POLR2M: variants seen among roughly 807,000 people sequenced by gnomAD.
POLR2M encodes protein GRINL1A.
A neutral mutation model predicts 34.6 loss-of-function variants in POLR2M; 30 were observed. The observed-to-expected ratio is 0.87, with a 90% CI of 0.65 to 1.18. The LOEUF (loss-of-function observed/expected upper bound fraction) is 1.18, where lower values mean the gene tolerates loss of function less well. Ranked by LOEUF, POLR2M falls within the 50% of genes most tolerant of loss-of-function variation. The pLI is 0.00. For synonymous variants in POLR2M, 150 were observed against 166.7 expected (o/e 0.90, Z 0.77); for missense variants, 432 against 448.7 (o/e 0.96, Z 0.34).
At chr15:57,707,180 A>T in intron 1 of POLR2M, 1 of 1,484,752 alleles carries the variant, frequency 6.7e-7, no homozygotes, top group South Asian at 1.3e-5. Context: ...TTGAACGGCT[A>T]CCTGGCGTTG....
At chr15:57,713,130 G>T (rs1423081534) in intron 3 of POLR2M, among the ~76,000 whole-genome samples, 1 of 151,630 alleles carries the variant, frequency 6.6e-6, no homozygotes, top group African/African-American at 2.4e-5. Flanking sequence ...GGAGGTCGAG[G>T]CTGCAGTGAG....
chr15:57,713,646 T>C (rs1343072602), intron 3 of POLR2M, among the ~76,000 whole-genome samples: 3 of 152,220 alleles, frequency 2.0e-5, no homozygotes, highest in East Asian at 3.9e-4. Flanking sequence ...TTGGACTTTT[T>C]ATTGGATACT....
chr15:57,712,117 C>T lies in POLR2M; in HGVS notation c.892C>T (p.His298Tyr), dbSNP rs1226294721. 3 of 1,614,160 alleles carry T rather than the reference C, an allele frequency of 1.9e-6. No individual in the cohort carries two copies. The highest frequency in any genetic ancestry group is 1.3e-5 in the African/African-American group (1 of 75,036). The part of the protein sequence containing the change: ...ITAARLLPLH[H>Y]MPTQLLSIEE... ...AGCAGCTCGGCTTCTACCACTTCAC[C>T]ATATGCCCACGCAGCTGCTCTCCAT... Residue 298 changes from histidine (H) to tyrosine (Y), a missense_variant, in exon 3 of 4, where the codon CAT (histidine) becomes TAT (tyrosine). Transcript: ENST00000299638.
intron 1 of POLR2M, among the ~76,000 whole-genome samples, chr15:57,707,842 C>A (rs2040554378): frequency 6.6e-6 from 1 of 152,132 alleles, no homozygotes; most frequent in Non-Finnish European, 1.5e-5. Flanking sequence ...TGGAAAAATA[C>A]AGAAAACAGG....
In POLR2M at chr15:57,716,611, G is replaced by A. The variant is rs1185487533; in HGVS notation, c.*1932G>A. 6.6e-6 allele frequency: 1 copy of A among 152,258 alleles called. No individual in the cohort carries two copies. Among genetic ancestry groups the A allele is most frequent in the Non-Finnish European group, 1.5e-5 (1 of 68,040 alleles). The allele number at this position is 152,258 out of a possible 1,614,324, so 9.4% of individuals were successfully genotyped here. A position where few individuals can be genotyped will look rare whatever the true frequency, so the allele number is the denominator to read the frequency against. On this transcript the variant is annotated 3_prime_UTR_variant, in exon 4 of 4. Coordinates refer to ENST00000299638, the MANE Select transcript of POLR2M (RefSeq NM_015532.5). Reference sequence around the variant, plus strand: ...AATTTGTATTTGTTTTTCTTACTTAGTGAAGGTTGTGTTTTTTTTCATATT... The same window carrying A: ...AATTTGTATTTGTTTTTCTTACTTAATGAAGGTTGTGTTTTTTTTCATATT...
intron 3 of POLR2M, among the ~76,000 whole-genome samples, 180 bp from the exon 4 acceptor site, chr15:57,714,356 G>T (rs1446564399): frequency 1.3e-5 from 2 of 152,148 alleles, no homozygotes; most frequent in Admixed American, 6.5e-5. Context: ...GCTGGTGGCT[G>T]TCAGAAGCAT....
chr15:57,713,801 C>T (rs1291188663), intron 3 of POLR2M, among the ~76,000 whole-genome samples: 3 of 136,920 alleles, frequency 2.2e-5, no homozygotes, highest in Non-Finnish European at 4.6e-5. Context: ...TTGTAGAAAT[C>T]TAGACAGCAT....
intron 1 of POLR2M, 36 bp downstream of exon 1, chr15:57,706,991 C>CT (rs1455836614): frequency 6.4e-7 from 1 of 1,556,822 alleles, no homozygotes; most frequent in African/African-American, 1.4e-5. Context: ...CGCCAGGCTC[C>CT]TTCAGCTCGA....
chr15:57,713,682 A>G (rs2040827079), intron 3 of POLR2M, among the ~76,000 whole-genome samples: 1 of 152,052 alleles, frequency 6.6e-6, no homozygotes, highest in African/African-American at 2.4e-5. Context: ...TTATTTGGAG[A>G]GGAATAGTCA....
At chr15:57,711,906 G>T in intron 2 of POLR2M, 78 bp from the exon 3 acceptor site, 1 of 1,525,388 alleles carries the variant, frequency 6.6e-7, no homozygotes, top group Non-Finnish European at 8.9e-7. Context: ...CTAAGGTAAA[G>T]GCCATTTGTG....
Position 57,717,104 on chromosome 15 carries a change from A to T in POLR2M, c.*2425A>T, listed in dbSNP as rs1595992999. The T allele has an allele frequency of 6.6e-6, 1 of 152,198 alleles. No homozygotes were observed. Among genetic ancestry groups the T allele is most frequent in the Non-Finnish European group, 1.5e-5 (1 of 68,018 alleles). 9.4% of individuals were successfully genotyped at this position (152,198 alleles called of 1,614,324 possible). A position where few individuals can be genotyped will look rare whatever the true frequency, so the allele number is the denominator to read the frequency against. On this transcript the variant is annotated 3_prime_UTR_variant, in exon 4 of 4. Transcript: ENST00000299638. ...ACCAATTGGTTCAGTATGTGAAACC[A>T]CCATTTCCCCTCTGATTAGTAATGC...
chr15:57,715,440 C>T lies in POLR2M; in HGVS notation c.*761C>T, dbSNP rs1347934392. The T allele has an allele frequency of 6.6e-6, 1 of 152,016 alleles. No individual in the cohort carries two copies. Among genetic ancestry groups the T allele is most frequent in the Non-Finnish European group, 1.5e-5 (1 of 67,998 alleles). The allele number at this position is 152,016 out of a possible 1,614,324, so 9.4% of individuals were successfully genotyped here. A position where few individuals can be genotyped will look rare whatever the true frequency, so the allele number is the denominator to read the frequency against. ...CTAGGTGGAGGTCTTTTTAAATAAC[C>T]TCATGTTACTTCAGGCAAATCTGGT... On this transcript the variant is annotated 3_prime_UTR_variant, in exon 4 of 4. Coordinates refer to ENST00000299638, the MANE Select transcript of POLR2M (RefSeq NM_015532.5).
rs1823859851 is a variant in POLR2M, at chr15:57,707,202, T to TA, written c.113+248dup. 4.1e-6 allele frequency: 6 copies of TA among 1,454,530 alleles called. No homozygotes were observed. In the East Asian group the frequency reaches 1.5e-4, roughly 36 times the overall value. The allele number at this position is 1,454,530 out of a possible 1,614,324, so 90.1% of individuals were successfully genotyped here. On this transcript the variant is annotated intron_variant, in intron 1 of 3. Transcript: ENST00000299638. The stretch of plus-strand genomic sequence containing the variant: ...GCTACCTGGCGTTGCAGGGAGTTAG[T>TA]AGCCCCTGGTCGGTTTTATTTACCC...
chr15:57,716,872 T>C lies in POLR2M; in HGVS notation c.*2193T>C, dbSNP rs1470379230. 1.3e-5 allele frequency: 2 copies of C among 152,232 alleles called. No homozygotes were observed. The highest frequency in any genetic ancestry group is 2.9e-5 in the Non-Finnish European group (2 of 68,036). The allele number at this position is 152,232 out of a possible 1,614,324, so 9.4% of individuals were successfully genotyped here. A position where few individuals can be genotyped will look rare whatever the true frequency, so the allele number is the denominator to read the frequency against. The stretch of plus-strand genomic sequence containing the variant: ...GTGTATGTGCTTGAAAGTATTTTTG[T>C]AATCCAAGAATGGATAAATGTCCTT... On this transcript the variant is annotated 3_prime_UTR_variant, in exon 4 of 4. Coordinates refer to ENST00000299638, the MANE Select transcript of POLR2M (RefSeq NM_015532.5).
chr15:57,711,432 G>T (rs549888889), intron 2 of POLR2M, among the ~76,000 whole-genome samples: 4 of 152,014 alleles, frequency 2.6e-5, no homozygotes, highest in Admixed American at 2.6e-4. Context: ...CCTCTTTCTC[G>T]CTGTCTTTTC....
chr15:57,714,487 A>G, intron 3 of POLR2M, 49 bp from the exon 4 acceptor site: 3 of 1,599,092 alleles, frequency 1.9e-6, no homozygotes, highest in Non-Finnish European at 2.6e-6. Context: ...AAAAATTGTA[A>G]GGAAGAGATG....
In POLR2M at chr15:57,709,103, C is replaced by G. The variant is rs776514950; in HGVS notation, c.503C>G (p.Ala168Gly). ...NRDRVPPSSE[A>G]SEHHPRHRVS... Reference sequence around the variant, plus strand: ...GACAGGGTACCACCTTCATCTGAAGCTAGTGAGCATCACCCGCGGCATCGT... The same window carrying G: ...GACAGGGTACCACCTTCATCTGAAGGTAGTGAGCATCACCCGCGGCATCGT... Residue 168 changes from alanine (A) to glycine (G), a missense_variant, in exon 2 of 4, where the codon GCT (alanine) becomes GGT (glycine). Transcript: ENST00000299638. 3.5e-5 allele frequency: 57 copies of G among 1,614,040 alleles called. 1 individual carries two copies. The Middle Eastern group carries it at 3.1e-3, about 88-fold the overall frequency.
Position 57,709,071 on chromosome 15 carries a change from C to A in POLR2M, c.471C>A (p.Ser157Arg). The A allele has an allele frequency of 1.9e-6, 3 of 1,614,120 alleles. No homozygotes were observed. Among genetic ancestry groups the A allele is most frequent in the Non-Finnish European group, 2.5e-6 (3 of 1,180,008 alleles). The change falls in exon 2 of 4, where the codon AGC (serine) becomes AGA (arginine). Residue 157 changes from serine (S) to arginine (R), a missense_variant. By Grantham distance (110) the Ser-to-Arg change is moderately radical. Coordinates refer to ENST00000299638, the MANE Select transcript of POLR2M (RefSeq NM_015532.5). ...CAGTGAATAAGGGCCCAGCTTCCAGCAATAGAGACAGGGTACCACCTTCAT... is the reference window on the plus strand; with the variant it reads ...CAGTGAATAAGGGCCCAGCTTCCAGAAATAGAGACAGGGTACCACCTTCAT... The part of the protein sequence containing the change: ...EYTVNKGPAS[S>R]NRDRVPPSSE...
intron 2 of POLR2M, 152 bp downstream of exon 2, chr15:57,709,510 G>C: frequency 2.3e-6 from 2 of 857,216 alleles, no homozygotes. Flanking sequence ...AGGAGTTGTA[G>C]ACCAGCTTGG....
Sources: gnomAD v4.1 joint callset for allele counts (sites outside exome capture counted in the v4.1 genomes callset) on GRCh38, gnomAD v4.1.1 for gene constraint, MANE v1.5 for transcripts, NCBI Gene and HGNC (gene_info 2026-07-23, HGNC 2026-07-21) for gene names.